MYRIP: variants seen among roughly 807,000 people sequenced by gnomAD.
MYRIP encodes the protein myosin VIIA and Rab interacting protein, also known as rab effector MyRIP.
Under a neutral mutation model 98.0 loss-of-function variants are expected in MYRIP, and 49 were observed. That is an observed-to-expected ratio of 0.50 (90% CI 0.40 to 0.63). MYRIP has a LOEUF of 0.63. Ranked by LOEUF, MYRIP falls within the 30% of genes least tolerant of loss-of-function variation. The pLI is 0.00. For synonymous variants in MYRIP, 404 were observed against 409.5 expected (o/e 0.99, Z 0.16); for missense variants, 1,004 against 1,058.2 (o/e 0.95, Z 0.71).
Position 40,258,245 on chromosome 3 carries a change from CTGTA to C in MYRIP, c.*85_*88del. On this transcript the variant is annotated 3_prime_UTR_variant, in exon 17 of 17. Coordinates refer to ENST00000302541, the MANE Select transcript of MYRIP (RefSeq NM_015460.4). ...GCCTTGACCCAACAGCCATCGAGTA[CTGTA>C]TGTATTTCCACCTGAGGAGAAGGCC... The C allele has an allele frequency of 3.2e-6, 5 of 1,546,596 alleles. No homozygotes were observed. In the Admixed American group the frequency reaches 8.3e-5, roughly 26 times the overall value.
At chr3:40,066,580 C>T (rs1948131847) in intron 3 of MYRIP, among the ~76,000 whole-genome samples, 1 of 152,068 alleles carries the variant, frequency 6.6e-6, no homozygotes, top group African/African-American at 2.4e-5. Flanking sequence ...TAAGGTTGTA[C>T]CTCTAGTTTG....
Position 40,257,640 on chromosome 3 carries a change from T to TTAAAGTTCATATAATAATAAATCA in MYRIP, c.2548-493_2548-470dup, listed in dbSNP as rs1953641798. On this transcript the variant is annotated intron_variant, in intron 16 of 16. Transcript: ENST00000302541. ...AAAACTCGGTGAAATTTTCCTTGAATTAAAGTTCATATAATAATAAATCAG... is the reference window on the plus strand; with the variant it reads ...AAAACTCGGTGAAATTTTCCTTGAATTAAAGTTCATATAATAATAAATCATAAAGTTCATATAATAATAAATCAG... Among the ~76,000 whole-genome samples, 4 of 152,168 alleles carry TTAAAGTTCATATAATAATAAATCA rather than the reference T, an allele frequency of 2.6e-5. No individual in the cohort carries two copies. In the South Asian group the frequency reaches 6.2e-4, roughly 24 times the overall value.
intron 3 of MYRIP, chr3:40,099,886 C>T (rs1407463837): frequency 1.4e-5 from 9 of 651,416 alleles, no homozygotes; most frequent in African/African-American, 4.0e-5. Flanking sequence ...TGTATTAAAC[C>T]GGGCAGCTTT....
intron 3 of MYRIP, among the ~76,000 whole-genome samples, chr3:40,045,441 G>C (rs557259554): frequency 4.5e-4 from 69 of 152,256 alleles, no homozygotes; most frequent in African/African-American, 1.6e-3. Flanking sequence ...CAGCTTGAAA[G>C]GGGGAGGAAA....
chr3:39,948,041 G>A (rs1268458480), intron 2 of MYRIP, among the ~76,000 whole-genome samples: 1 of 152,124 alleles, frequency 6.6e-6, no homozygotes, highest in African/African-American at 2.4e-5. Context: ...GACAATCACT[G>A]CTCTAAATTA....
intron 2 of MYRIP, among the ~76,000 whole-genome samples, chr3:40,011,692 A>C (rs1474814810): frequency 2.6e-5 from 4 of 152,138 alleles, no homozygotes; most frequent in Non-Finnish European, 5.9e-5. Flanking sequence ...GGTTTAATGA[A>C]CCAATTTGAC....
intron 2 of MYRIP, among the ~76,000 whole-genome samples, chr3:39,973,009 A>G (rs376997636): frequency 1.9e-4 from 29 of 152,162 alleles, no homozygotes; most frequent in African/African-American, 6.7e-4. Context: ...GAATGTATAT[A>G]TGTGTGTTCA....
chr3:39,873,924 T>C (rs868625011), intron 1 of MYRIP, among the ~76,000 whole-genome samples: 88 of 152,088 alleles, frequency 5.8e-4, no homozygotes, highest in Non-Finnish European at 1.1e-3. Context: ...GTAAATTACC[T>C]TGGGCAGTAT....
chr3:40,260,035 T>C lies in MYRIP; in HGVS notation c.*1869T>C, dbSNP rs1362189597. On this transcript the variant is annotated 3_prime_UTR_variant, in exon 17 of 17. Transcript: ENST00000302541. ...CATCTGAACTTTTATAAAGGTTTCC[T>C]TGTGCCAAATAAGTGCAAAGATTTA... 6.5e-6 allele frequency: 1 copy of C among 152,676 alleles called. No homozygotes were observed. The highest frequency in any genetic ancestry group is 2.4e-5 in the African/African-American group (1 of 41,472). The allele number at this position is 152,676 out of a possible 1,614,324, so 9.5% of individuals were successfully genotyped here.
At chr3:40,025,508 G>T (rs1036656454) in intron 2 of MYRIP, among the ~76,000 whole-genome samples, 1 of 152,116 alleles carries the variant, frequency 6.6e-6, no homozygotes, top group Non-Finnish European at 1.5e-5. Context: ...TCTAAGGTGG[G>T]TTTACCCTTT....
At chr3:39,998,620 T>G (rs1316883664) in intron 2 of MYRIP, among the ~76,000 whole-genome samples, 1 of 152,140 alleles carries the variant, frequency 6.6e-6, no homozygotes, top group African/African-American at 2.4e-5. Context: ...AATTTACAGA[T>G]TCAATGCCAT....
chr3:40,146,213 T>G (rs1166097295), intron 3 of MYRIP, among the ~76,000 whole-genome samples: 1 of 152,022 alleles, frequency 6.6e-6, no homozygotes, highest in East Asian at 1.9e-4. Context: ...CATGTTGGCG[T>G]GGTAGTGGCA....
At chr3:39,956,508 C>A (rs1195199957) in intron 2 of MYRIP, among the ~76,000 whole-genome samples, 1 of 152,184 alleles carries the variant, frequency 6.6e-6, no homozygotes, top group Non-Finnish European at 1.5e-5. Context: ...ATATCAGAAT[C>A]TCTGAGACAC....
Position 40,000,115 on chromosome 3 carries a change from A to G in MYRIP, c.111-43935A>G, listed in dbSNP as rs144879986. On this transcript the variant is annotated intron_variant, in intron 2 of 16. Transcript: ENST00000302541. ...TGGGTGCAGCACACCAACATGGCAC[A>G]TGTATACCTATGTAACAAACCTGCA... Among the ~76,000 whole-genome samples, 963 of 152,170 alleles carry G rather than the reference A, an allele frequency of 6.3e-3. 29 individuals carry two copies. The East Asian group carries it at 0.078, about 12-fold the overall frequency.
chr3:39,843,521 T>A (rs997444601), intron 1 of MYRIP, among the ~76,000 whole-genome samples: 1 of 152,154 alleles, frequency 6.6e-6, no homozygotes, highest in East Asian at 1.9e-4. Flanking sequence ...GAACCAAAAT[T>A]ATCAGTTGGC....
intron 2 of MYRIP, among the ~76,000 whole-genome samples, chr3:39,990,160 G>A (rs867204922): frequency 3.9e-5 from 6 of 152,204 alleles, no homozygotes; most frequent in African/African-American, 1.4e-4. Context: ...CAAACCATGG[G>A]TTGCACAGTT....
At chr3:40,145,158 T>C (rs1465733397) in intron 3 of MYRIP, among the ~76,000 whole-genome samples, 1 of 152,170 alleles carries the variant, frequency 6.6e-6, no homozygotes, top group East Asian at 1.9e-4. Flanking sequence ...AAGACCACAC[T>C]TGTAGTAAAT....
chr3:39,853,083 A>T (rs1471195287), intron 1 of MYRIP, among the ~76,000 whole-genome samples: 1 of 151,998 alleles, frequency 6.6e-6, no homozygotes, highest in Non-Finnish European at 1.5e-5. Context: ...CGCCTGGCCT[A>T]TTTCATTCTT....
chr3:39,911,798 T>A (rs1278765161), intron 2 of MYRIP, among the ~76,000 whole-genome samples: 4 of 152,180 alleles, frequency 2.6e-5, no homozygotes, highest in African/African-American at 9.7e-5. Context: ...ACAACTTACT[T>A]GTTCTCACAG....
Sources: allele counts gnomAD v4.1 joint callset (sites outside exome capture counted in the v4.1 genomes callset), GRCh38; gene constraint gnomAD v4.1.1; transcripts MANE v1.5; gene names NCBI Gene and HGNC (gene_info 2026-07-23, HGNC 2026-07-21).